TLE4: variants seen among roughly 807,000 people sequenced by gnomAD.
TLE4 encodes the protein TLE family member 4, transcriptional corepressor.
TLE4 carries 8 observed loss-of-function variants against 92.8 expected under a neutral mutation model. That is an observed-to-expected ratio of 0.09 (90% CI 0.05 to 0.16). TLE4 has a LOEUF of 0.16. Among genes scored for constraint, TLE4 ranks in the 10% least tolerant of loss-of-function variants. The pLI is 1.00. For missense variants in TLE4, 675 were observed against 997.6 expected (o/e 0.68, Z 4.36); for synonymous variants, 371 against 374.1 (o/e 0.99, Z 0.10).
In TLE4 at chr9:79,677,122, T is replaced by C. The variant is rs774702759; in HGVS notation, c.609+23047T>C. Among the ~76,000 whole-genome samples the C allele has an allele frequency of 4.1e-4, 63 of 152,128 alleles. 1 individual carries two copies. Among genetic ancestry groups the C allele is most frequent in the South Asian group, 4.1e-4 (2 of 4,832 alleles). On this transcript the variant is annotated intron_variant, in intron 8 of 19. Coordinates refer to ENST00000376552, the MANE Select transcript of TLE4 (RefSeq NM_007005.6). ...TCCCCAACTAGATTCTTTTTAATAG[T>C]AACAGTAGCAGCAATAATATCTATC...
intron 8 of TLE4, chr9:79,668,868 A>G: frequency 1.0e-6 from 1 of 981,800 alleles, no homozygotes; most frequent in African/African-American, 1.7e-5. Context: ...TTTTTAGTGA[A>G]ATAGCAAAAG....
At chr9:79,699,381 G>T (rs2069134021) in intron 8 of TLE4, among the ~76,000 whole-genome samples, 2 of 152,116 alleles carry the variant, frequency 1.3e-5, no homozygotes, top group African/African-American at 4.8e-5. Context: ...TAATGTTTGA[G>T]AATTCCTATA....
At chr9:79,658,320 A>G (rs1434803180) in intron 8 of TLE4, among the ~76,000 whole-genome samples, 1 of 152,032 alleles carries the variant, frequency 6.6e-6, no homozygotes, top group Non-Finnish European at 1.5e-5. Flanking sequence ...TTTTTAATTT[A>G]CGTATAATTA....
At chr9:79,583,139 T>C (rs751564731) in intron 4 of TLE4, among the ~76,000 whole-genome samples, 3 of 152,180 alleles carry the variant, frequency 2.0e-5, no homozygotes, top group Non-Finnish European at 4.4e-5. Flanking sequence ...ACCACAAATC[T>C]ATATACCCTC....
intron 4 of TLE4, among the ~76,000 whole-genome samples, chr9:79,605,622 C>T (rs940531011): frequency 6.6e-6 from 1 of 151,884 alleles, no homozygotes; most frequent in African/African-American, 2.4e-5. Flanking sequence ...TAAAATATAG[C>T]TTGAGCTCTG....
chr9:79,723,100 G>A, intron 19 of TLE4, 65 bp downstream of exon 19: 1 of 1,467,792 alleles, frequency 6.8e-7, no homozygotes, highest in South Asian at 1.1e-5. Context: ...CATTCTCTCA[G>A]ATTAATAATG....
rs1348009683 is a variant in TLE4, at chr9:79,678,656, T to C, written c.609+24581T>C. On this transcript the variant is annotated intron_variant, in intron 8 of 19. Transcript: ENST00000376552. The stretch of plus-strand genomic sequence containing the variant: ...TATTATTATACTTTAAGTTTTAGGG[T>C]ACATGTGCACAATGTGCAGGTTTGT... 7.2e-5 allele frequency among the ~76,000 whole-genome samples: 11 copies of C among 152,060 alleles called. No homozygotes were observed. The South Asian group carries it at 2.3e-3, about 32-fold the overall frequency.
At chr9:79,707,116 AG>A in intron 11 of TLE4, 1 of 1,612,278 alleles carries the variant, frequency 6.2e-7, no homozygotes, top group Non-Finnish European at 8.5e-7. Flanking sequence ...TCTTTTTGCA[AG>A]GATAGAAGAG....
intron 6 of TLE4, chr9:79,649,998 C>A: frequency 1.5e-6 from 1 of 681,812 alleles, no homozygotes; most frequent in Non-Finnish European, 2.1e-6. Context: ...TCACTGCAGC[C>A]ATGACCTCCC....
At chr9:79,671,943 A>G (rs2062428206) in intron 8 of TLE4, among the ~76,000 whole-genome samples, 1 of 141,298 alleles carries the variant, frequency 7.1e-6, no homozygotes, top group African/African-American at 2.7e-5. Flanking sequence ...AAAAAAAGTC[A>G]GTCTGGAAGA....
intron 11 of TLE4, chr9:79,707,112 T>G (rs1248654394): frequency 1.9e-6 from 3 of 1,612,284 alleles, no homozygotes; most frequent in Non-Finnish European, 2.5e-6. Flanking sequence ...TGATTCTTTT[T>G]GCAAGGATAG....
chr9:79,703,855 C>G (rs1364505002), intron 8 of TLE4, among the ~76,000 whole-genome samples: 1 of 152,170 alleles, frequency 6.6e-6, no homozygotes, highest in Non-Finnish European at 1.5e-5. Flanking sequence ...TGGCGCTGAG[C>G]AAAACTTCAT....
rs140081847 is a variant in TLE4 at position 79,657,359 on chromosome 9, T to C, written c.609+3284T>C. 7.7e-3 allele frequency among the ~76,000 whole-genome samples: 1,173 copies of C among 152,302 alleles called. 6 individuals carry two copies. Among genetic ancestry groups the C allele is most frequent in the Non-Finnish European group, 0.012 (833 of 68,028 alleles). On this transcript the variant is annotated intron_variant, in intron 8 of 19. Coordinates refer to ENST00000376552, the MANE Select transcript of TLE4 (RefSeq NM_007005.6). ...AAGGGGGAGTGTTCTCACCATCTTA[T>C]GTAGTATCAAGAACCATTTCTCTCA...
chr9:79,676,098 A>G (rs925920111), intron 8 of TLE4, among the ~76,000 whole-genome samples: 2 of 152,124 alleles, frequency 1.3e-5, no homozygotes, highest in African/African-American at 4.8e-5. Context: ...GTAGAGTGAC[A>G]ATAAGGGATA....
intron 6 of TLE4, among the ~76,000 whole-genome samples, chr9:79,632,266 G>A (rs1021399718): frequency 3.9e-5 from 6 of 152,176 alleles, no homozygotes; most frequent in Non-Finnish European, 8.8e-5. Flanking sequence ...GCATTCTCTG[G>A]GGGAGACACC....
intron 4 of TLE4, among the ~76,000 whole-genome samples, chr9:79,600,288 G>T (rs2045279507): frequency 6.6e-6 from 1 of 152,120 alleles, no homozygotes. Flanking sequence ...AACAAAAGTG[G>T]ATGTGAGCCT....
intron 5 of TLE4, among the ~76,000 whole-genome samples, chr9:79,624,877 A>T (rs1185036715): frequency 1.3e-5 from 2 of 152,222 alleles, no homozygotes; most frequent in Non-Finnish European, 2.9e-5. Context: ...GAGAATTGGT[A>T]GAGTAAGAGC....
intron 6 of TLE4, among the ~76,000 whole-genome samples, chr9:79,650,649 T>G (rs1181237939): frequency 6.6e-6 from 1 of 152,142 alleles, no homozygotes; most frequent in Non-Finnish European, 1.5e-5. Context: ...TTTTGGCCAC[T>G]TAAATGAAGA....
chr9:79,646,511 T>G (rs573920806), intron 6 of TLE4, among the ~76,000 whole-genome samples: 2 of 152,234 alleles, frequency 1.3e-5, no homozygotes, highest in African/African-American at 2.4e-5. Context: ...GCCATTTATT[T>G]TAGCAGAGAA....
Sources: allele counts gnomAD v4.1 joint callset (sites outside exome capture counted in the v4.1 genomes callset), GRCh38; gene constraint gnomAD v4.1.1; transcripts MANE v1.5; gene names NCBI Gene and HGNC (gene_info 2026-07-23, HGNC 2026-07-21).